DHRS12: variants seen among roughly 807,000 people sequenced by gnomAD.
DHRS12 encodes the protein dehydrogenase/reductase 12.
DHRS12 carries 29 observed loss-of-function variants against 32.1 expected under a neutral mutation model. The ratio of observed to expected loss-of-function variants is 0.90; its 90% CI spans 0.67 to 1.23. DHRS12 has a LOEUF of 1.23. Ranked by LOEUF, DHRS12 falls within the 50% of genes most tolerant of loss-of-function variation. The pLI, the probability that DHRS12 is intolerant of heterozygous loss-of-function variation, is 0.00. For missense variants in DHRS12, 330 were observed against 337.2 expected, an observed-to-expected ratio of 0.98 and a Z score of 0.17; for synonymous variants, 150 against 135.9, an observed-to-expected ratio of 1.10 and a Z score of -0.72.
chr13:51,780,069 C>G (rs958556400), intron 4 of DHRS12, among the ~76,000 whole-genome samples: 4 of 151,862 alleles, frequency 2.6e-5, no homozygotes, highest in African/African-American at 9.7e-5. Context: ...CCCAGCTACT[C>G]GGGAGGCTGA....
intron 7 of DHRS12, chr13:51,771,278 A>C (rs1318687318): frequency 6.4e-7 from 1 of 1,554,922 alleles, no homozygotes; most frequent in African/African-American, 1.4e-5. Context: ...AGCTGCAGAG[A>C]GCCCAGGTGA....
At chr13:51,771,356 C>G in intron 7 of DHRS12, 1 of 1,612,698 alleles carries the variant, frequency 6.2e-7, no homozygotes, top group Non-Finnish European at 8.5e-7. Flanking sequence ...CACCGCTGCT[C>G]CAACACGCTT....
intron 4 of DHRS12, among the ~76,000 whole-genome samples, chr13:51,778,219 A>C (rs1385809204): frequency 2.0e-5 from 3 of 152,252 alleles, no homozygotes. Context: ...CCCACCTCAC[A>C]GGATCAGAGG....
intron 2 of DHRS12, among the ~76,000 whole-genome samples, chr13:51,795,085 C>A (rs532353288): frequency 2.6e-5 from 4 of 152,182 alleles, no homozygotes; most frequent in Non-Finnish European, 5.9e-5. Flanking sequence ...ACCAAGCCAG[C>A]GTGTACAAGC....
intron 4 of DHRS12, 100 bp from the exon 5 acceptor site, chr13:51,777,221 C>T (rs1954474659): frequency 7.2e-6 from 10 of 1,395,928 alleles, no homozygotes; most frequent in Admixed American, 1.8e-5. Context: ...CACCCGCCCC[C>T]CACAAGAGGG....
chr13:51,785,572 G>T (rs1479380617), intron 4 of DHRS12, among the ~76,000 whole-genome samples: 2 of 152,182 alleles, frequency 1.3e-5, no homozygotes, highest in East Asian at 3.9e-4. Context: ...TCGCACACCT[G>T]GGCCTCTGCC....
At chr13:51,771,228 T>C (rs760891506) in intron 7 of DHRS12, 19 of 1,551,502 alleles carry the variant, frequency 1.2e-5, no homozygotes, top group Non-Finnish European at 1.6e-5. Context: ...GTGCTGTGGC[T>C]GCTGCTGCTT....
intron 4 of DHRS12, among the ~76,000 whole-genome samples, chr13:51,779,167 T>C (rs1267758936): frequency 3.9e-5 from 6 of 152,090 alleles, no homozygotes; most frequent in African/African-American, 1.4e-4. Flanking sequence ...AGTTGCTCCT[T>C]GCCCAGCTCA....
At chr13:51,759,002 T>A in the DHRS12 span, among the ~76,000 whole-genome samples, 1 of 152,074 alleles carries the variant, frequency 6.6e-6, no homozygotes, top group African/African-American at 2.4e-5. Flanking sequence ...GCCACCATAG[T>A]GTGACCCTGT....
At chr13:51,787,905 A>ATATATAAAT (rs1566296843) in intron 4 of DHRS12, among the ~76,000 whole-genome samples, 1 of 133,366 alleles carries the variant, frequency 7.5e-6, no homozygotes, top group East Asian at 2.0e-4. Context: ...TATATATAAA[A>ATATATAAAT]ATATATAATT....
rs544726757 is a variant in DHRS12 at position 51,794,275 on chromosome 13, C to T, written c.127-3018G>A. On this transcript the variant is annotated intron_variant, in intron 2 of 8. Transcript: ENST00000444610. ...GGGACCCTTTCTGCAGACAAGCCAC[C>T]ATCTATAGCGGCTGTGTGACCCAGG... Among the ~76,000 whole-genome samples the T allele has an allele frequency of 9.2e-5, 14 of 152,278 alleles. No homozygotes were observed. The South Asian group carries it at 2.5e-3, about 27-fold the overall frequency.
intron 2 of DHRS12, among the ~76,000 whole-genome samples, chr13:51,793,649 T>C (rs940609346): frequency 6.6e-6 from 1 of 152,192 alleles, no homozygotes; most frequent in African/African-American, 2.4e-5. Flanking sequence ...TTAAAATGTC[T>C]GTGAAGGCCC....
At chr13:51,792,940 T>G (rs1955345346) in intron 2 of DHRS12, among the ~76,000 whole-genome samples, 1 of 152,046 alleles carries the variant, frequency 6.6e-6, no homozygotes. Context: ...TTTTTTTTTT[T>G]GGTCAAAAGT....
intron 6 of DHRS12, chr13:51,772,946 A>G (rs1247925677): frequency 6.1e-6 from 6 of 985,380 alleles, no homozygotes; most frequent in African/African-American, 1.7e-5. Context: ...AGGTGCAGAG[A>G]GTCTCAGACA....
At chr13:51,769,981 C>CAG (rs914341499) in intron 7 of DHRS12, among the ~76,000 whole-genome samples, 9 of 152,152 alleles carry the variant, frequency 5.9e-5, no homozygotes, top group Admixed American at 5.9e-4. Flanking sequence ...TCAGGGAACA[C>CAG]AGTGTCTCCA....
At chr13:51,768,398 G>A (rs907525499) in intron 8 of DHRS12, 102 bp from the exon 9 acceptor site, 28 of 1,506,436 alleles carry the variant, frequency 1.9e-5, no homozygotes, top group Non-Finnish European at 2.5e-5. Flanking sequence ...TGCTGGAGTG[G>A]CAGCACCCTA....
rs1361079491 is a variant in DHRS12, at chr13:51,769,198, A to C, written c.655T>G (p.Ser219Ala). 1 of 1,563,604 alleles carries C rather than the reference A, an allele frequency of 6.4e-7. No homozygotes were observed. The highest frequency in any genetic ancestry group is 2.4e-5 in the East Asian group (1 of 42,238). The change falls in exon 8 of 9, where the codon TCC becomes GCC. Residue 219 changes from serine (S) to alanine (A), a missense_variant. Ser to Ala is a moderately conservative substitution (Grantham distance 99, BLOSUM62 1). Transcript: ENST00000444610. ...GADTMLWLAL[S>A]SAAAAQPSGR... ...CTGGGCTGTGCGGCTGCGGCAGAGGAGAGGGCCAGCCACAGCATGGTGTCC... is the reference window on the plus strand; with the variant it reads ...CTGGGCTGTGCGGCTGCGGCAGAGGCGAGGGCCAGCCACAGCATGGTGTCC...
At chr13:51,784,899 C>T (rs1954881462) in intron 4 of DHRS12, among the ~76,000 whole-genome samples, 1 of 152,166 alleles carries the variant, frequency 6.6e-6, no homozygotes, top group Admixed American at 6.5e-5. Context: ...CATAACTGGC[C>T]ACAGCATCTG....
At chr13:51,769,119 C>A in intron 8 of DHRS12, 37 bp downstream of exon 8, 2 of 1,548,500 alleles carry the variant, frequency 1.3e-6, no homozygotes, top group Non-Finnish European at 1.7e-6. Flanking sequence ...GCCCCTAGCC[C>A]TGTGTCAGCT....
Sources: gnomAD v4.1 joint callset for allele counts (sites outside exome capture counted in the v4.1 genomes callset) on GRCh38, gnomAD v4.1.1 for gene constraint, MANE v1.5 for transcripts, NCBI Gene and HGNC (gene_info 2026-07-23, HGNC 2026-07-21) for gene names.